The following DRC11L variants were observed in gnomAD, a reference collection of about 807,000 sequenced individuals.
DRC11L encodes the protein dynein regulatory complex subunit 11 like.
chr7:151,200,838 C>A, the DRC11L span, among the ~76,000 whole-genome samples: 1 of 152,230 alleles, frequency 6.6e-6, no homozygotes, highest in African/African-American at 2.4e-5. Context: ...ACTGGCGCTG[C>A]AGGGACTGTG....
chr7:151,204,578 C>T, the DRC11L span: 1 of 399,166 alleles, frequency 2.5e-6, no homozygotes, highest in Non-Finnish European at 4.4e-6. Context: ...CGCGCACCAG[C>T]TCGTCCTTGA....
chr7:151,205,451 A>T, the DRC11L span: 1 of 399,094 alleles, frequency 2.5e-6, no homozygotes, highest in Non-Finnish European at 4.4e-6. Flanking sequence ...CACCCCTCAG[A>T]CATTGTGTCC....
the DRC11L span, chr7:151,197,801 GC>G: frequency 2.5e-6 from 1 of 398,574 alleles, no homozygotes; most frequent in African/African-American, 2.1e-5. Context: ...AAAACCATCT[GC>G]CCCACCTCCA....
chr7:151,195,556 C>T, the DRC11L span: 2 of 399,804 alleles, frequency 5.0e-6, no homozygotes, highest in South Asian at 1.3e-4. Context: ...CCCTGCCCAG[C>T]CCCAGCCCCT....
chr7:151,195,953 T>C, the DRC11L span: 1 of 287,142 alleles, frequency 3.5e-6, no homozygotes, highest in African/African-American at 2.2e-5. Context: ...AAACCGAAGA[T>C]CCCCCGCTGA....
At chr7:151,200,513 A>C in the DRC11L span, 2 of 399,334 alleles carry the variant, frequency 5.0e-6, no homozygotes, top group Non-Finnish European at 8.8e-6. Context: ...TCCACCCTGC[A>C]GCAGCCTGTC....
chr7:151,202,778 G>A, the DRC11L span: 1 of 397,420 alleles, frequency 2.5e-6, no homozygotes, highest in African/African-American at 2.1e-5. Context: ...TTGAACCCAG[G>A]ACACAGAGGC....
the DRC11L span, among the ~76,000 whole-genome samples, chr7:151,198,621 C>A: frequency 6.6e-6 from 1 of 152,062 alleles, no homozygotes; most frequent in Admixed American, 6.5e-5. Context: ...ACTGGGGGCC[C>A]AAAGTTGTTG....
At chr7:151,204,966 G>A in the DRC11L span, 3 of 398,080 alleles carry the variant, frequency 7.5e-6, no homozygotes, top group African/African-American at 2.1e-5. Context: ...CTCCTAAATG[G>A]ACTTCAATGA....
the DRC11L span, among the ~76,000 whole-genome samples, chr7:151,193,992 G>A: frequency 3.3e-5 from 5 of 151,796 alleles, no homozygotes; most frequent in Admixed American, 3.3e-4. Flanking sequence ...GGTCTTCTGG[G>A]AGCAGAACAG....
At chr7:151,200,159 G>A in the DRC11L span, among the ~76,000 whole-genome samples, 1 of 152,228 alleles carries the variant, frequency 6.6e-6, no homozygotes, top group Non-Finnish European at 1.5e-5. Flanking sequence ...CTCCACAGGT[G>A]AGCTGCTGCC....
the DRC11L span, among the ~76,000 whole-genome samples, chr7:151,200,060 C>T: frequency 6.6e-6 from 1 of 152,228 alleles, no homozygotes; most frequent in Non-Finnish European, 1.5e-5. Context: ...GCTTTATAGC[C>T]TCCTCCCTCT....
At chr7:151,196,341 A>C in the DRC11L span, 2 of 398,150 alleles carry the variant, frequency 5.0e-6, no homozygotes, top group Non-Finnish European at 8.9e-6. Context: ...GACAAGAGAG[A>C]GGCAGAGAAA....
the DRC11L span, among the ~76,000 whole-genome samples, chr7:151,199,454 C>T: frequency 5.9e-5 from 9 of 152,218 alleles, no homozygotes; most frequent in African/African-American, 1.9e-4. This position sits in a 1 kb window ranked among gnomAD's most constrained non-coding sequence, Gnocchi z 5.2. Context: ...TAGGCCCGGG[C>T]GGCCGGGCTC....
chr7:151,196,750 A>T, the DRC11L span, among the ~76,000 whole-genome samples: 1 of 152,294 alleles, frequency 6.6e-6, no homozygotes, highest in Non-Finnish European at 1.5e-5. Context: ...GACGGCAAAT[A>T]GGCTTGACCC....
At chr7:151,192,974 C>T in the DRC11L span, 2 of 397,760 alleles carry the variant, frequency 5.0e-6, no homozygotes, top group Non-Finnish European at 8.8e-6. Context: ...CCTGGAAGTC[C>T]CACCTCCCAG....
the DRC11L span, chr7:151,204,651 T>A: frequency 2.5e-6 from 1 of 399,068 alleles, no homozygotes; most frequent in South Asian, 1.3e-4. Context: ...CTTCTGCGGC[T>A]GCACCATCTG....
the DRC11L span, chr7:151,193,608 CAG>C: frequency 2.5e-6 from 1 of 398,452 alleles, no homozygotes; most frequent in Admixed American, 4.4e-5. Flanking sequence ...GTGCAGATCA[CAG>C]GGCATACTAC....
At chr7:151,198,378 G>A in the DRC11L span, among the ~76,000 whole-genome samples, 1 of 151,886 alleles carries the variant, frequency 6.6e-6, no homozygotes, top group Non-Finnish European at 1.5e-5. Flanking sequence ...AGACGGGTGA[G>A]TGGATGGATG....
Sources: allele counts gnomAD v4.1 joint callset (sites outside exome capture counted in the v4.1 genomes callset), GRCh38; gene constraint gnomAD v4.1.1; non-coding constraint Gnocchi (gnomAD v3.1); transcripts MANE v1.5; gene names NCBI Gene and HGNC (gene_info 2026-07-23, HGNC 2026-07-21).